TMEM223: variants seen among roughly 807,000 people sequenced by gnomAD.
The protein encoded by TMEM223 is transmembrane protein 223.
TMEM223 carries 14 observed loss-of-function variants against 14.1 expected under a neutral mutation model. The ratio of observed to expected loss-of-function variants is 0.99; its 90% CI spans 0.66 to 1.55. The LOEUF is 1.55. TMEM223 is among the 40% of genes most tolerant of loss of function. TMEM223 has a pLI of 0.00. For synonymous variants in TMEM223, 145 were observed against 120.5 expected (o/e 1.20, Z -1.33); for missense variants, 346 against 269.9 (o/e 1.28, Z -1.97).
chr11:62,771,801 G>A (rs11603549), exon 3 of TMEM223: 1 of 249,040 alleles, frequency 4.0e-6, no homozygotes, highest in Non-Finnish European at 8.1e-6. Flanking sequence ...TCACAGTCTA[G>A]ATTTCGTGTA....
downstream of TMEM223, chr11:62,782,566 G>A (rs1307511000): frequency 1.4e-6 from 2 of 1,393,366 alleles, no homozygotes; most frequent in Non-Finnish European, 2.0e-6. Context: ...ACCCCTGGCA[G>A]CCTTCTTCAC....
downstream of TMEM223, chr11:62,787,847 G>C: frequency 1.6e-6 from 1 of 636,120 alleles, no homozygotes; most frequent in African/African-American, 1.8e-5. Context: ...TGCAGAACCT[G>C]CGTCCATCCG....
chr11:62,787,587 G>A (rs3087924), downstream of TMEM223: 765,294 of 1,451,382 alleles, frequency 0.53, 210,833 homozygotes, highest in Non-Finnish European at 0.58. Context: ...ACATGGCGAG[G>A]CCACTTTCGC....
At position 62,790,004 on chromosome 11, in the gene TMEM223, CTG is replaced by C; in HGVS notation, c.*617_*618del. The C allele has an allele frequency of 1.2e-6, 2 of 1,614,034 alleles. No homozygotes were observed. Among genetic ancestry groups the C allele is most frequent in the South Asian group, 2.2e-5 (2 of 91,076 alleles). ...GAGAGGGGTGACCCTGAGTGGAGCT[CTG>C]AGACAGATGCTCTCGTTGGGTCACG... On this transcript the variant is annotated 3_prime_UTR_variant, in exon 2 of 2. Transcript: ENST00000307366.
intron 1 of TMEM223, chr11:62,775,893 C>T (rs550240118): frequency 1.2e-6 from 2 of 1,613,886 alleles, no homozygotes; most frequent in East Asian, 2.2e-5. Context: ...GCGCTGCTCG[C>T]AGAGGACGTG....
downstream of TMEM223, chr11:62,786,303 C>G (rs1188386848): frequency 6.2e-7 from 1 of 1,614,172 alleles, no homozygotes; most frequent in East Asian, 2.2e-5. Flanking sequence ...ACCTACTGGA[C>G]AAACTTGCAG....
rs2084342339 is a variant in TMEM223, at chr11:62,790,146, C to CAA, written c.*476_*477insTT. On this transcript the variant is annotated 3_prime_UTR_variant, in exon 2 of 2. Coordinates refer to ENST00000307366, the MANE Select transcript of TMEM223 (RefSeq NM_001080501.3). Reference sequence around the variant, plus strand: ...GTTTATGTTGGGAGTCTTAGTTTTCCTTTCGTTGGGGGGTGGGGGGGAAAC... The same window carrying CAA: ...GTTTATGTTGGGAGTCTTAGTTTTCCAATTTCGTTGGGGGGTGGGGGGGAAAC... 8.6e-7 allele frequency: 1 copy of CAA among 1,160,094 alleles called. No homozygotes were observed. The highest frequency in any genetic ancestry group is 3.2e-5 in the Admixed American group (1 of 30,994). The allele number at this position is 1,160,094 out of a possible 1,614,324, so 71.9% of individuals were successfully genotyped here.
chr11:62,772,176 A>G (rs1276767882), intron 2 of TMEM223: 1 of 456,054 alleles, frequency 2.2e-6, no homozygotes, highest in Non-Finnish European at 4.4e-6. Context: ...ATTATTGAGA[A>G]TATAGTGAAG....
At chr11:62,791,459 G>A (rs930375132) in intron 1 of TMEM223, among the ~76,000 whole-genome samples, 1 of 152,170 alleles carries the variant, frequency 6.6e-6, no homozygotes, top group African/African-American at 2.4e-5. Flanking sequence ...GGGTTTGACG[G>A]TGTTAGCCAG....
chr11:62,782,532 C>A, downstream of TMEM223: 1 of 1,143,268 alleles, frequency 8.7e-7, no homozygotes, highest in Non-Finnish European at 1.2e-6. Flanking sequence ...ATTGGTTCTT[C>A]AGCCCTCAGG....
chr11:62,779,972 ATATATT>A (rs1049198024), intron 1 of TMEM223, among the ~76,000 whole-genome samples: 9 of 61,480 alleles, frequency 1.5e-4, no homozygotes, highest in African/African-American at 3.9e-4. Context: ...ATATATATAT[ATATATT>A]TTTTTTTTTT....
In TMEM223 at chr11:62,790,919, C is replaced by T; in HGVS notation, c.317-4G>A. The T allele has an allele frequency of 5.8e-6, 9 of 1,560,876 alleles. No individual in the cohort carries two copies. Among genetic ancestry groups the T allele is most frequent in the Non-Finnish European group, 7.8e-6 (9 of 1,148,600 alleles). The stretch of plus-strand genomic sequence containing the variant: ...CCAGCACCGAGTACGAGGGCTCCTG[C>T]AGGCAGGGCAGAGATTGGGGTGAGG... On this transcript the variant is annotated splice_region_variant and splice_polypyrimidine_tract_variant and intron_variant, in intron 1 of 1. Coordinates refer to ENST00000307366, the MANE Select transcript of TMEM223 (RefSeq NM_001080501.3).
chr11:62,772,805 CAA>C (rs770586046), intron 2 of TMEM223, among the ~76,000 whole-genome samples: 12 of 109,644 alleles, frequency 1.1e-4, no homozygotes, highest in Non-Finnish European at 1.0e-4. Flanking sequence ...ACATCATCTC[CAA>C]AAAAAAAAAA....
chr11:62,787,122 C>A (rs1343156752), downstream of TMEM223: 6 of 1,557,092 alleles, frequency 3.9e-6, no homozygotes, highest in Non-Finnish European at 5.2e-6. Context: ...TCATCATAGC[C>A]GGGCGGCAGG....
At chr11:62,784,142 A>T (rs1178388291), downstream of TMEM223, among the ~76,000 whole-genome samples, 5 of 139,534 alleles carry the variant, frequency 3.6e-5, no homozygotes, top group African/African-American at 1.3e-4. Flanking sequence ...GGCACGCACC[A>T]CCAGGGCCAG....
chr11:62,782,853 C>T, downstream of TMEM223: 2 of 1,609,306 alleles, frequency 1.2e-6, no homozygotes, highest in Non-Finnish European at 1.7e-6. Flanking sequence ...TCTCACACAG[C>T]CGTAAGAACT....
chr11:62,778,840 G>C (rs1379494872), intron 1 of TMEM223: 10 of 1,602,790 alleles, frequency 6.2e-6, no homozygotes, highest in Non-Finnish European at 8.5e-6. Context: ...CTCTCCACCT[G>C]TCCCTGCTTC....
At chr11:62,778,911 A>G (rs921156103) in intron 1 of TMEM223, 1 of 1,613,916 alleles carries the variant, frequency 6.2e-7, no homozygotes, top group African/African-American at 1.3e-5. Flanking sequence ...CTTCTCAAGT[A>G]CTATCACCAG....
intron 1 of TMEM223, among the ~76,000 whole-genome samples, chr11:62,776,667 A>G (rs1003356493): frequency 6.6e-6 from 1 of 152,076 alleles, no homozygotes; most frequent in Non-Finnish European, 1.5e-5. Context: ...CCTGGCCAAC[A>G]TGGCGAAACC....
Sources: gnomAD v4.1 joint callset for allele counts (sites outside exome capture counted in the v4.1 genomes callset) on GRCh38, gnomAD v4.1.1 for gene constraint, MANE v1.5 for transcripts, NCBI Gene and HGNC (gene_info 2026-07-23, HGNC 2026-07-21) for gene names.